The following B3GALT1 variants were observed in gnomAD, a reference collection of about 807,000 sequenced individuals.
B3GALT1 encodes beta-1,3-galactosyltransferase 1.
A neutral mutation model predicts 23.2 loss-of-function variants in B3GALT1; 10 were observed. The ratio of observed to expected loss-of-function variants is 0.43; its 90% confidence interval spans 0.27 to 0.73. The LOEUF is 0.73. Ranked by LOEUF, B3GALT1 falls within the 30% of genes least tolerant of loss-of-function variation. The pLI is 0.21. For synonymous variants in B3GALT1, 156 were observed against 141.5 expected, an observed-to-expected ratio of 1.10 and a Z score of -0.73; for missense variants, 299 against 405.4, an observed-to-expected ratio of 0.74 and a Z score of 2.25.
At chr2:167,655,610 T>C (rs1219941056) in intron 3 of B3GALT1, among the ~76,000 whole-genome samples, 1 of 152,202 alleles carries the variant, frequency 6.6e-6, no homozygotes, top group African/African-American at 2.4e-5. Flanking sequence ...TGAGAATTCA[T>C]TTAAAATTGT....
At chr2:167,653,994 C>T (rs1422250596) in intron 3 of B3GALT1, among the ~76,000 whole-genome samples, 2 of 152,128 alleles carry the variant, frequency 1.3e-5, no homozygotes, top group African/African-American at 4.8e-5. Flanking sequence ...TCCAGTTAGA[C>T]AAGAAACAGG....
chr2:167,545,216 T>C lies in B3GALT1; in HGVS notation c.-410+54939T>C, dbSNP rs374539567. ...CGCCCGGCTAATTTTTTTGTATTTT[T>C]AGTAGAGACAGGGTTTCACTGTGTT... On this transcript the variant is annotated intron_variant, in intron 2 of 4. Coordinates refer to ENST00000392690, the MANE Select transcript of B3GALT1 (RefSeq NM_020981.4). Among the ~76,000 whole-genome samples, 154 of 151,842 alleles carry C rather than the reference T, an allele frequency of 1.0e-3. 1 individual carries two copies. Among genetic ancestry groups the C allele is most frequent in the African/African-American group, 3.6e-3 (148 of 41,414 alleles).
intron 2 of B3GALT1, among the ~76,000 whole-genome samples, chr2:167,579,140 A>T (rs988490559): frequency 3.3e-5 from 5 of 151,944 alleles, no homozygotes; most frequent in Non-Finnish European, 7.4e-5. Context: ...GTCTTCAGAG[A>T]CTGAATTTAG....
Position 167,843,121 on chromosome 2 carries a change from T to C in B3GALT1, c.-230+24328T>C, listed in dbSNP as rs577834523. ...CTCCTGGAATAAGTCCCTTAACAAA[T>C]GGTCTTCAAAATTACTGACAAAATT... On this transcript the variant is annotated intron_variant, in intron 4 of 4. Coordinates refer to ENST00000392690, the MANE Select transcript of B3GALT1 (RefSeq NM_020981.4). Among the ~76,000 whole-genome samples the C allele has an allele frequency of 6.6e-5, 10 of 152,306 alleles. No homozygotes were observed. The South Asian group carries it at 2.1e-3, about 32-fold the overall frequency.
intron 2 of B3GALT1, among the ~76,000 whole-genome samples, chr2:167,571,103 A>C (rs1287270649): frequency 6.6e-6 from 1 of 151,982 alleles, no homozygotes; most frequent in Non-Finnish European, 1.5e-5. Flanking sequence ...CAGGTATCAC[A>C]TTCTAAAAGA....
intron 2 of B3GALT1, among the ~76,000 whole-genome samples, chr2:167,521,984 G>GTATATATATATATA (rs550521896): frequency 8.2e-6 from 1 of 122,632 alleles, no homozygotes; most frequent in Admixed American, 8.4e-5. Context: ...GTGTGTGTGT[G>GTATATATATATATA]TATATATATA....
intron 1 of B3GALT1, among the ~76,000 whole-genome samples, chr2:167,457,991 A>C (rs1022130460): frequency 6.6e-6 from 1 of 152,184 alleles, no homozygotes; most frequent in Non-Finnish European, 1.5e-5. Flanking sequence ...CCATGTTAAC[A>C]ATTTTACAGT....
At chr2:167,342,325 C>T (rs964176408) in intron 1 of B3GALT1, among the ~76,000 whole-genome samples, 7 of 152,138 alleles carry the variant, frequency 4.6e-5, no homozygotes, top group Admixed American at 1.3e-4. Flanking sequence ...CAGTGGCTCA[C>T]GCCTGTAATC....
At chr2:167,484,400 C>T (rs1699596977) in intron 1 of B3GALT1, among the ~76,000 whole-genome samples, 1 of 152,090 alleles carries the variant, frequency 6.6e-6, no homozygotes, top group Admixed American at 6.6e-5. Flanking sequence ...AGAACGTGTG[C>T]CCAAGGTGGT....
chr2:167,784,012 G>A (rs1390888721), intron 3 of B3GALT1, among the ~76,000 whole-genome samples: 1 of 152,188 alleles, frequency 6.6e-6, no homozygotes, highest in African/African-American at 2.4e-5. Context: ...CTATGAAGTA[G>A]ATGGCTTTGA....
intron 2 of B3GALT1, among the ~76,000 whole-genome samples, chr2:167,565,106 A>G (rs987084202): frequency 2.6e-5 from 4 of 152,198 alleles, no homozygotes; most frequent in African/African-American, 9.6e-5. Context: ...ACTTCAAACC[A>G]TACTACAAGG....
Position 167,871,891 on chromosome 2 carries a change from C to CTTTTTTTTTTTT in B3GALT1, c.*1888_*1899dup, listed in dbSNP as rs397870339. The CTTTTTTTTTTTT allele has an allele frequency of 3.2e-5, 2 of 62,450 alleles. No homozygotes were observed. The highest frequency in any genetic ancestry group is 6.1e-5 in the Non-Finnish European group (2 of 32,560). 3.9% of individuals were successfully genotyped at this position (62,450 alleles called of 1,614,324 possible). A position where few individuals can be genotyped will look rare whatever the true frequency, so the allele number is the denominator to read the frequency against. ...AGAGTGTACCTTTTTTATTTATTTA[C>CTTTTTTTTTTTT]TTTTTTTTTTTTTTTTTTTTTTTTT... On this transcript the variant is annotated 3_prime_UTR_variant, in exon 5 of 5. Transcript: ENST00000392690.
Position 167,605,945 on chromosome 2 carries a change from A to G in B3GALT1, c.-409-40964A>G, listed in dbSNP as rs371438902. Among the ~76,000 whole-genome samples, 4 of 152,192 alleles carry G rather than the reference A, an allele frequency of 2.6e-5. No homozygotes were observed. In the East Asian group the frequency reaches 7.7e-4, roughly 29 times the overall value. ...CAAATAAGCCATAGAGAAAGATTAT[A>G]GGGATGGTAACAGGCTGTGTGCATG... On this transcript the variant is annotated intron_variant, in intron 2 of 4. Coordinates refer to ENST00000392690, the MANE Select transcript of B3GALT1 (RefSeq NM_020981.4).
chr2:167,670,134 C>G (rs1033153046), intron 3 of B3GALT1, among the ~76,000 whole-genome samples: 5 of 152,170 alleles, frequency 3.3e-5, no homozygotes, highest in African/African-American at 1.2e-4. Flanking sequence ...CTGATGGTGC[C>G]TATGAGCCTC....
intron 3 of B3GALT1, among the ~76,000 whole-genome samples, chr2:167,725,855 G>T (rs1687304004): frequency 6.6e-6 from 1 of 152,148 alleles, no homozygotes; most frequent in Non-Finnish European, 1.5e-5. Flanking sequence ...AGAAGGAAGG[G>T]TAACCCTAAG....
At chr2:167,337,805 A>T (rs1237966353) in intron 1 of B3GALT1, among the ~76,000 whole-genome samples, 1 of 152,188 alleles carries the variant, frequency 6.6e-6, no homozygotes, top group Non-Finnish European at 1.5e-5. Context: ...TGAAAAGTAG[A>T]TTGCTTAAAG....
intron 2 of B3GALT1, among the ~76,000 whole-genome samples, chr2:167,560,373 G>T (rs552972658): frequency 4.6e-5 from 7 of 151,724 alleles, no homozygotes; most frequent in Non-Finnish European, 1.0e-4. Context: ...AAAGACCATC[G>T]AGACTAGGAA....
Position 167,300,868 on chromosome 2 carries a change from C to T in B3GALT1, c.-511+7534C>T, listed in dbSNP as rs542403910. Among the ~76,000 whole-genome samples, 5 of 152,214 alleles carry T rather than the reference C, an allele frequency of 3.3e-5. No homozygotes were observed. In the South Asian group the frequency reaches 1.0e-3, roughly 32 times the overall value. On this transcript the variant is annotated intron_variant, in intron 1 of 4. Coordinates refer to ENST00000392690, the MANE Select transcript of B3GALT1 (RefSeq NM_020981.4). ...GATTTTACCTTATAAAAGTTAACAA[C>T]TTTAAGTTAAAAATACCACAATTAC...
At position 167,678,279 on chromosome 2, in the gene B3GALT1, A is replaced by G. The variant is rs58241220; in HGVS notation, c.-352+31313A>G. ...GTTTCCACTGTACTGGGGCTGTTCG[A>G]TCCACTTTCCGTTTTAACAATTCTT... On this transcript the variant is annotated intron_variant, in intron 3 of 4. Coordinates refer to ENST00000392690, the MANE Select transcript of B3GALT1 (RefSeq NM_020981.4). Among the ~76,000 whole-genome samples, 228 of 152,286 alleles carry G rather than the reference A, an allele frequency of 1.5e-3. 5 individuals carry two copies. In the East Asian group the frequency reaches 0.04, roughly 27 times the overall value.
Sources: gnomAD v4.1 joint callset for allele counts (sites outside exome capture counted in the v4.1 genomes callset) on GRCh38, gnomAD v4.1.1 for gene constraint, MANE v1.5 for transcripts, NCBI Gene and HGNC (gene_info 2026-07-23, HGNC 2026-07-21) for gene names.